Variants in DNAJC25 observed in about 807,000 individuals in gnomAD.
DNAJC25 encodes the protein DnaJ heat shock protein family (Hsp40) member C25, also known as dnaJ homolog subfamily C member 25.
Under a neutral mutation model 42.1 loss-of-function variants are expected in DNAJC25, and 26 were observed. The ratio of observed to expected loss-of-function variants is 0.62; its 90% CI spans 0.45 to 0.86. The LOEUF is 0.86. DNAJC25 is among the 40% of genes least tolerant of loss of function. The pLI is 0.00. For synonymous variants in DNAJC25, 189 were observed against 179.9 expected (o/e 1.05, Z -0.40); for missense variants, 404 against 459.4 (o/e 0.88, Z 1.10).
chr9:111,649,460 G>T lies in DNAJC25; in HGVS notation c.497G>T (p.Ser166Ile), dbSNP rs1377418798. 2 of 1,570,250 alleles carry T rather than the reference G, an allele frequency of 1.3e-6. No individual in the cohort carries two copies. Among genetic ancestry groups the T allele is most frequent in the Admixed American group, 4.2e-5 (2 of 47,890 alleles). The stretch of plus-strand genomic sequence containing the variant: ...CTCTGTTAATTATTCTAGTTTTTCA[G>T]CTGGTGGAATAGCTACAATAAGGCA... The part of the protein sequence containing the change: ...VCAISVFQFF[S>I]WWNSYNKAIS... Residue 166 changes from serine to isoleucine, a missense_variant, in exon 3 of 4, where the codon AGC becomes ATC. Transcript: ENST00000313525.
At chr9:111,634,472 T>A (rs1429519096) in intron 1 of DNAJC25, among the ~76,000 whole-genome samples, 1 of 152,198 alleles carries the variant, frequency 6.6e-6, no homozygotes, top group Non-Finnish European at 1.5e-5. Context: ...TTGTTTGGAT[T>A]GTATCCTCCG....
intron 1 of DNAJC25, among the ~76,000 whole-genome samples, chr9:111,646,771 AAC>A (rs1830573619): frequency 6.6e-6 from 1 of 152,226 alleles, no homozygotes; most frequent in Non-Finnish European, 1.5e-5. Context: ...AAAAAAAATC[AAC>A]AGTTAAGAGT....
chr9:111,639,115 A>G (rs933207650), intron 1 of DNAJC25, among the ~76,000 whole-genome samples: 2 of 152,150 alleles, frequency 1.3e-5, no homozygotes, highest in South Asian at 2.1e-4. Flanking sequence ...GTTTTTAGAC[A>G]GTCAGCCCCT....
At chr9:111,646,716 C>T (rs1263179213) in intron 1 of DNAJC25, among the ~76,000 whole-genome samples, 1 of 151,912 alleles carries the variant, frequency 6.6e-6, no homozygotes, top group Non-Finnish European at 1.5e-5. Flanking sequence ...ACTATCTATA[C>T]AAGGCTGGGA....
At chr9:111,648,373 C>T (rs1364548039) in intron 2 of DNAJC25, among the ~76,000 whole-genome samples, 1 of 151,646 alleles carries the variant, frequency 6.6e-6, no homozygotes, top group African/African-American at 2.4e-5. Context: ...GCGATCCTCC[C>T]ACCTCAGCCT....
At position 111,653,155 on chromosome 9, in the gene DNAJC25, G is replaced by C; in HGVS notation, c.1016G>C (p.Arg339Thr). The C allele has an allele frequency of 1.2e-6, 2 of 1,604,068 alleles. No homozygotes were observed. The highest frequency in any genetic ancestry group is 1.7e-6 in the Non-Finnish European group (2 of 1,174,030). The change falls in exon 4 of 4, where the codon AGA becomes ACA. Residue 339 changes from arginine (R) to threonine (T), a missense_variant. Physicochemically the swap from Arg to Thr is moderately conservative, Grantham distance 71 (BLOSUM62 -1). Transcript: ENST00000313525. ...ELKKKLANDP[R>T]WKRYRRWMKN... ...AAGAAAAAGTTGGCAAATGACCCCA[G>C]ATGGAAGAGATACAGGAGATGGATG... is the stretch of plus-strand genomic sequence containing the variant.
intron 1 of DNAJC25, among the ~76,000 whole-genome samples, chr9:111,637,049 C>G (rs1180482782): frequency 2.0e-5 from 3 of 152,172 alleles, no homozygotes; most frequent in African/African-American, 7.2e-5. Context: ...AAACTACTGA[C>G]TTGATATAAT....
At chr9:111,638,301 G>C (rs552693473) in intron 1 of DNAJC25, among the ~76,000 whole-genome samples, 2 of 152,156 alleles carry the variant, frequency 1.3e-5, no homozygotes, top group African/African-American at 2.4e-5. Flanking sequence ...TGAAATGCCT[G>C]TAAAACTGGA....
chr9:111,632,362 T>C (rs1221138020), intron 1 of DNAJC25, among the ~76,000 whole-genome samples: 1 of 152,194 alleles, frequency 6.6e-6, no homozygotes, highest in East Asian at 1.9e-4. Context: ...TCAGAGTTAT[T>C]ATGGGGATTA....
chr9:111,642,893 T>G (rs1183619410), intron 1 of DNAJC25: 1 of 470,986 alleles, frequency 2.1e-6, no homozygotes, highest in Non-Finnish European at 4.4e-6. Context: ...GGGAGTGGAA[T>G]GGACACCAGC....
At chr9:111,639,797 C>T (rs1287813176) in intron 1 of DNAJC25, among the ~76,000 whole-genome samples, 1 of 151,370 alleles carries the variant, frequency 6.6e-6, no homozygotes, top group East Asian at 1.9e-4. Context: ...TGATTCCTGA[C>T]CTTCACCACC....
At chr9:111,649,001 G>A (rs6477838) in intron 2 of DNAJC25, among the ~76,000 whole-genome samples, 64,134 of 152,042 alleles carry the variant, frequency 0.42, 16,026 homozygotes, top group African/African-American at 0.68. Flanking sequence ...GGGAATGAAT[G>A]TAGTTGCCTG....
At chr9:111,643,218 G>C (rs572614962) in intron 1 of DNAJC25, 1 of 251,930 alleles carries the variant, frequency 4.0e-6, no homozygotes, top group East Asian at 8.9e-5. Context: ...CACCCATCCA[G>C]CCTTGCTGGT....
Position 111,631,559 on chromosome 9 carries a change from A to G in DNAJC25, c.152A>G (p.Tyr51Cys). 1 of 1,424,582 alleles carries G rather than the reference A, an allele frequency of 7.0e-7. No individual in the cohort carries two copies. 88.2% of individuals were successfully genotyped at this position (1,424,582 alleles called of 1,614,324 possible). Residue 51 changes from tyrosine (Y) to cysteine (C), a missense_variant, in exon 1 of 4, where the codon TAC becomes TGC. Tyr to Cys is a radical substitution (Grantham distance 194). Coordinates refer to ENST00000313525, the MANE Select transcript of DNAJC25 (RefSeq NM_001015882.3). ...EGLYCGTRDC[Y>C]EVLGVSRSAG... Reference sequence around the variant, plus strand: ...CTCTACTGCGGCACGCGGGACTGCTACGAGGTGCTGGGCGTGAGCCGCTCG... The same window carrying G: ...CTCTACTGCGGCACGCGGGACTGCTGCGAGGTGCTGGGCGTGAGCCGCTCG...
chr9:111,631,741 A>T lies in DNAJC25; in HGVS notation c.334A>T (p.Lys112Ter). 2.0e-6 allele frequency: 3 copies of T among 1,516,242 alleles called. No homozygotes were observed. Among genetic ancestry groups the T allele is most frequent in the Non-Finnish European group, 2.6e-6 (3 of 1,138,054 alleles). 93.9% of individuals were successfully genotyped at this position (1,516,242 alleles called of 1,614,324 possible). A position where few individuals can be genotyped will look rare whatever the true frequency, so the allele number is the denominator to read the frequency against. The change falls in exon 1 of 4, where the codon AAG (lysine) becomes TAG (stop). Residue 112 changes from lysine to a stop codon, truncating the protein, a stop_gained and splice_region_variant. Coordinates refer to ENST00000313525, the MANE Select transcript of DNAJC25 (RefSeq NM_001015882.3). LOFTEE classifies it high-confidence loss of function. ...GGTGGCAACCGCCTACGAGACACTCAAGGTGAGGCCTGCGGGCGTGGAGGG... is the reference window on the plus strand; with the variant it reads ...GGTGGCAACCGCCTACGAGACACTCTAGGTGAGGCCTGCGGGCGTGGAGGG... ...LLVATAYETLKDEETRKDYDY... is the reference protein window; with the variant it reads ...LLVATAYETL
intron 1 of DNAJC25, among the ~76,000 whole-genome samples, chr9:111,632,050 C>T (rs75856829): frequency 0.026 from 3,979 of 152,338 alleles, 173 homozygotes; most frequent in African/African-American, 0.09. Context: ...ATTCGAAAAG[C>T]AGGGTGATCA....
At chr9:111,642,603 C>CAATAAAAAAAAA (rs201957943) in intron 1 of DNAJC25, among the ~76,000 whole-genome samples, 6 of 109,266 alleles carry the variant, frequency 5.5e-5, no homozygotes, top group Admixed American at 2.6e-4. Context: ...CAAGAATTAT[C>CAATAAAAAAAAA]AATAAATAAA....
intron 1 of DNAJC25, among the ~76,000 whole-genome samples, chr9:111,632,682 T>G (rs1830302586): frequency 8.8e-6 from 1 of 113,658 alleles, no homozygotes; most frequent in African/African-American, 4.1e-5. Flanking sequence ...AGTATTTCTT[T>G]TCTAGCCTTT....
At chr9:111,650,687 G>A (rs1420963183) in intron 3 of DNAJC25, among the ~76,000 whole-genome samples, 1 of 151,836 alleles carries the variant, frequency 6.6e-6, no homozygotes, top group African/African-American at 2.4e-5. Flanking sequence ...ATAGTGTTGG[G>A]GTTTTGCCAT....
Sources: gnomAD v4.1 joint callset for allele counts (sites outside exome capture counted in the v4.1 genomes callset) on GRCh38, gnomAD v4.1.1 for gene constraint, MANE v1.5 for transcripts, NCBI Gene and HGNC (gene_info 2026-07-23, HGNC 2026-07-21) for gene names.